Variants in SIGLECL1 observed in about 807,000 individuals in gnomAD.
SIGLECL1 encodes the protein SIGLEC family-like protein 1.
A neutral mutation model predicts 19.1 loss-of-function variants in SIGLECL1; 16 were observed. That is an observed-to-expected ratio of 0.84 (90% confidence interval 0.57 to 1.27). SIGLECL1 has a LOEUF of 1.27. Among genes scored for constraint, SIGLECL1 ranks in the 50% most tolerant of loss-of-function variants. SIGLECL1 has a pLI of 0.00. For missense variants in SIGLECL1, 210 were observed against 239.4 expected (o/e 0.88, Z 0.81); for synonymous variants, 89 against 90.4 (o/e 0.98, Z 0.09).
chr19:51,257,566 G>C (rs1460254866), intron 1 of SIGLECL1: 1 of 152,234 alleles, frequency 6.6e-6, no homozygotes, highest in African/African-American at 2.4e-5. Flanking sequence ...CTGAAGAGAA[G>C]TCTGGCCTTT....
intron 1 of SIGLECL1, among the ~76,000 whole-genome samples, chr19:51,258,724 C>T (rs1034893889): frequency 1.3e-5 from 2 of 151,954 alleles, no homozygotes; most frequent in Non-Finnish European, 2.9e-5. Context: ...TGAGAAAAGA[C>T]GAACATTTCC....
chr19:51,248,603 C>G (rs273647), upstream of SIGLECL1, among the ~76,000 whole-genome samples: 80,244 of 152,054 alleles, frequency 0.53, 22,730 homozygotes, highest in African/African-American at 0.69. Context: ...GTCCCTGGCT[C>G]ATATGAAAAT....
chr19:51,248,126 G>A (rs561350056), upstream of SIGLECL1, among the ~76,000 whole-genome samples: 3 of 152,184 alleles, frequency 2.0e-5, no homozygotes, highest in East Asian at 3.9e-4. Context: ...AGTGAATGAC[G>A]GCAGGAACTA....
upstream of SIGLECL1, among the ~76,000 whole-genome samples, chr19:51,247,118 T>C (rs1048509622): frequency 6.6e-6 from 1 of 152,178 alleles, no homozygotes; most frequent in Admixed American, 6.5e-5. Flanking sequence ...CACCTGCATC[T>C]TGTCATTGGG....
At chr19:51,251,997 A>C (rs1319945885) in intron 1 of SIGLECL1, among the ~76,000 whole-genome samples, 1 of 152,100 alleles carries the variant, frequency 6.6e-6, no homozygotes, top group African/African-American at 2.4e-5. Context: ...ATTGAGAGAC[A>C]TGGTGGTCAA....
At chr19:51,265,922 C>G (rs770762917) in intron 4 of SIGLECL1, 40 bp downstream of exon 4, 2 of 1,601,746 alleles carry the variant, frequency 1.2e-6, no homozygotes, top group Non-Finnish European at 1.7e-6. Flanking sequence ...AGCCTACTAC[C>G]GGGCAGGCCC....
At chr19:51,259,139 G>A (rs1341059251) in intron 1 of SIGLECL1, among the ~76,000 whole-genome samples, 2 of 300 alleles carry the variant, frequency 6.7e-3, no homozygotes, top group Non-Finnish European at 0.014. Context: ...TCTTATACCT[G>A]CATTCCAAAA....
At chr19:51,248,579 A>G (rs1235079656), upstream of SIGLECL1, among the ~76,000 whole-genome samples, 3 of 152,338 alleles carry the variant, frequency 2.0e-5, no homozygotes, top group East Asian at 3.9e-4. Flanking sequence ...GAACATCAAA[A>G]GGAAGAAGAT....
At chr19:51,246,934 G>T (rs1350965203), upstream of SIGLECL1, among the ~76,000 whole-genome samples, 1 of 152,216 alleles carries the variant, frequency 6.6e-6, no homozygotes, top group Non-Finnish European at 1.5e-5. Context: ...CTTAGTTACA[G>T]ATTGGAAGAA....
intron 1 of SIGLECL1, among the ~76,000 whole-genome samples, chr19:51,257,135 G>A (rs1325104674): frequency 2.6e-5 from 4 of 152,058 alleles, no homozygotes; most frequent in East Asian, 1.9e-4. Context: ...GGCTGGGCAC[G>A]GTAGCTCACA....
upstream of SIGLECL1, among the ~76,000 whole-genome samples, chr19:51,250,354 G>C (rs1206333447): frequency 6.6e-6 from 1 of 152,180 alleles, no homozygotes; most frequent in East Asian, 1.9e-4. Flanking sequence ...AAAGTGCTGG[G>C]ATTACAGGCG....
upstream of SIGLECL1, among the ~76,000 whole-genome samples, chr19:51,250,635 G>A (rs181959374): frequency 2.2e-4 from 33 of 152,326 alleles, no homozygotes; most frequent in East Asian, 2.5e-3. Context: ...AAAATAAACA[G>A]GGTTAAACAA....
intron 2 of SIGLECL1, 111 bp from the exon 3 acceptor site, chr19:51,265,257 G>A (rs1983553151): frequency 1.6e-6 from 2 of 1,247,844 alleles, no homozygotes; most frequent in East Asian, 2.3e-5. Context: ...CTTCCAGAAA[G>A]TCCTTCTGAA....
upstream of SIGLECL1, among the ~76,000 whole-genome samples, chr19:51,247,804 A>T (rs771961524): frequency 6.6e-6 from 1 of 152,218 alleles, no homozygotes; most frequent in African/African-American, 2.4e-5. Context: ...GGAGGGAGAG[A>T]TAGCCCCTAG....
At chr19:51,268,292 G>C (rs1356050676) in intron 5 of SIGLECL1, among the ~76,000 whole-genome samples, 2 of 152,098 alleles carry the variant, frequency 1.3e-5, no homozygotes, top group Non-Finnish European at 2.9e-5. Context: ...GCAGAAGAGG[G>C]AGGGACCAAA....
rs371687817 is a variant in SIGLECL1, at chr19:51,268,945, G to A, written c.*348G>A. On this transcript the variant is annotated 3_prime_UTR_variant, in exon 6 of 6. Coordinates refer to ENST00000601727, the MANE Select transcript of SIGLECL1 (RefSeq NM_001385465.1). ...GTCCATCAGCAAGTTACTTTTGAGC[G>A]CCTACTGTGTGTCAGTGCCTGAGAT... is the stretch of plus-strand genomic sequence containing the variant. The A allele has an allele frequency of 4.8e-5, 11 of 228,112 alleles. No individual in the cohort carries two copies. The highest frequency in any genetic ancestry group is 2.6e-4 in the Admixed American group (5 of 19,606). The allele number at this position is 228,112 out of a possible 1,614,324, so 14.1% of individuals were successfully genotyped here.
intron 1 of SIGLECL1, among the ~76,000 whole-genome samples, chr19:51,263,543 G>A (rs1019547601): frequency 1.3e-5 from 2 of 152,046 alleles, no homozygotes; most frequent in Admixed American, 6.5e-5. Flanking sequence ...AGGCCAAGGC[G>A]GGTCAGGTGT....
chr19:51,252,456 C>G (rs959059607), intron 1 of SIGLECL1, among the ~76,000 whole-genome samples: 4 of 150,864 alleles, frequency 2.7e-5, no homozygotes, highest in African/African-American at 9.9e-5. Flanking sequence ...ACTCATGTTA[C>G]ACATGAGGAA....
chr19:51,250,714 G>C (rs114644267), upstream of SIGLECL1, among the ~76,000 whole-genome samples: 1 of 152,164 alleles, frequency 6.6e-6, no homozygotes, highest in Non-Finnish European at 1.5e-5. Flanking sequence ...GGCCTTGCTG[G>C]GAAGAAAATT....
Sources: gnomAD v4.1 joint callset for allele counts (sites outside exome capture counted in the v4.1 genomes callset) on GRCh38, gnomAD v4.1.1 for gene constraint, MANE v1.5 for transcripts, NCBI Gene and HGNC (gene_info 2026-07-23, HGNC 2026-07-21) for gene names.